ACVR2B: variants seen among roughly 807,000 people sequenced by gnomAD.
The protein encoded by ACVR2B is activin receptor type-2B.
In ACVR2B, 18 loss-of-function variants were observed where a neutral mutation model predicts 65.1. The observed-to-expected ratio is 0.28, with a 90% CI of 0.19 to 0.41. ACVR2B has a LOEUF of 0.41. ACVR2B is among the 10% of genes least tolerant of loss of function. The probability of loss-of-function intolerance (pLI) is 1.00; values close to 1 mark genes in which losing one functional copy is unlikely to be tolerated. For missense variants in ACVR2B, 482 were observed against 682.7 expected (o/e 0.71, Z 3.28); for synonymous variants, 298 against 277.7 (o/e 1.07, Z -0.73).
chr3:38,460,969 C>T (rs573602004), intron 1 of ACVR2B, among the ~76,000 whole-genome samples: 1 of 152,298 alleles, frequency 6.6e-6, no homozygotes, highest in African/African-American at 2.4e-5. Flanking sequence ...CTGAGCATTT[C>T]GGAGGATGGG....
At position 38,477,937 on chromosome 3, in the gene ACVR2B, T is replaced by C; in HGVS notation, c.337T>C (p.Phe113Leu). The change falls in exon 3 of 11, where the codon TTC becomes CTC. Residue 113 changes from phenylalanine to leucine, a missense_variant. Physicochemically the swap from Phe to Leu is conservative, Grantham distance 22. Transcript: ENST00000352511. The surrounding 1 kb of genome is among the most constrained non-coding windows in gnomAD (Gnocchi z 6.7). ...CCEGNFCNER[F>L]THLPEAGGPE... ...TGAAGGCAACTTCTGCAACGAACGC[T>C]TCACTCATTTGCCAGAGGCTGGGGG... 6.2e-7 allele frequency: 1 copy of C among 1,614,100 alleles called. No homozygotes were observed. The highest frequency in any genetic ancestry group is 8.5e-7 in the Non-Finnish European group (1 of 1,180,018).
At chr3:38,470,116 A>G (rs1352461297) in intron 1 of ACVR2B, among the ~76,000 whole-genome samples, 1 of 152,210 alleles carries the variant, frequency 6.6e-6, no homozygotes, top group Non-Finnish European at 1.5e-5. Flanking sequence ...GCAGAATAAG[A>G]AGGTCTAATA....
chr3:38,472,460 A>G (rs1322388870), intron 1 of ACVR2B, among the ~76,000 whole-genome samples: 1 of 152,098 alleles, frequency 6.6e-6, no homozygotes, highest in Admixed American at 6.5e-5. Flanking sequence ...CCTCTTGGGC[A>G]TGGAGGCTTC....
At chr3:38,467,622 G>A (rs78336491) in intron 1 of ACVR2B, among the ~76,000 whole-genome samples, 3,828 of 151,806 alleles carry the variant, frequency 0.025, 172 homozygotes, top group African/African-American at 0.086. Flanking sequence ...TGGTGGCATT[G>A]CACCTGTAAG....
chr3:38,478,575 A>C (rs1460392858), intron 5 of ACVR2B, 57 bp downstream of exon 5: 27 of 1,612,008 alleles, frequency 1.7e-5, no homozygotes, highest in Admixed American at 5.0e-5. Flanking sequence ...CTTGAACTGG[A>C]GGCTCTCCTG....
Position 38,477,835 on chromosome 3 carries a change from G to C in ACVR2B, c.261-26G>C, listed in dbSNP as rs768631662. 6.2e-7 allele frequency: 1 copy of C among 1,610,230 alleles called. No homozygotes were observed. The highest frequency in any genetic ancestry group is 1.3e-5 in the African/African-American group (1 of 74,770). On this transcript the variant is annotated intron_variant, in intron 2 of 10. Coordinates refer to ENST00000352511, the MANE Select transcript of ACVR2B (RefSeq NM_001106.4). This position sits in a 1 kb window ranked among gnomAD's most constrained non-coding sequence, Gnocchi z 6.7. The stretch of plus-strand genomic sequence containing the variant: ...GAGTCTTGCATCCCCCAGGTGAGGG[G>C]TATATGGAAAATTCTGTGCCTCCAG...
Position 38,479,789 on chromosome 3 carries a change from T to A in ACVR2B, c.922T>A (p.Cys308Ser), listed in dbSNP as rs1177847751. Residue 308 changes from cysteine (C) to serine (S), a missense_variant, in exon 7 of 11, where the codon TGC becomes AGC. Around this residue, in one of 5 missense-constraint regions of ACVR2B, gnomAD observed 223 missense variants for 386.3 expected, o/e 0.58. Coordinates refer to ENST00000352511, the MANE Select transcript of ACVR2B (RefSeq NM_001106.4). ...LSYLHEDVPW[C>S]RGEGHKPSIA... Reference sequence around the variant, plus strand: ...ATACCTGCATGAGGATGTGCCCTGGTGCCGTGGCGAGGGCCACAAGCCGTC... The same window carrying A: ...ATACCTGCATGAGGATGTGCCCTGGAGCCGTGGCGAGGGCCACAAGCCGTC... 4 of 1,614,228 alleles carry A rather than the reference T, an allele frequency of 2.5e-6. No individual in the cohort carries two copies. Among genetic ancestry groups the A allele is most frequent in the Non-Finnish European group, 3.4e-6 (4 of 1,180,034 alleles).
intron 1 of ACVR2B, chr3:38,459,614 G>A (rs368635161): frequency 4.1e-6 from 4 of 985,290 alleles, no homozygotes; most frequent in South Asian, 4.7e-5. Flanking sequence ...GTGGCGCTCC[G>A]GGGAGCCGCA....
rs1474175763 is a variant in ACVR2B, at chr3:38,484,070, A to G, written c.*738A>G. 6.5e-6 allele frequency: 1 copy of G among 152,712 alleles called. No homozygotes were observed. The highest frequency in any genetic ancestry group is 1.5e-5 in the Non-Finnish European group (1 of 68,130). 9.5% of individuals were successfully genotyped at this position (152,712 alleles called of 1,614,324 possible). On this transcript the variant is annotated 3_prime_UTR_variant, in exon 11 of 11. Coordinates refer to ENST00000352511, the MANE Select transcript of ACVR2B (RefSeq NM_001106.4). ...TATGGAGGCTACTTCTCAGGTAACC[A>G]GGAATTGAGGGGAAGGACCTTGTGG...
chr3:38,479,878 G>A lies in ACVR2B; in HGVS notation c.959+52G>A, dbSNP rs780099185. 11 of 1,600,038 alleles carry A rather than the reference G, an allele frequency of 6.9e-6. No individual in the cohort carries two copies. In the South Asian group the frequency reaches 1.2e-4, roughly 18 times the overall value. On this transcript the variant is annotated intron_variant, in intron 7 of 10. Transcript: ENST00000352511. ...TGCACTTGACCTGGAGCTGTGGGAA[G>A]GGTTGGTGGGCGAGAGCAGTGTCTG...
Position 38,477,520 on chromosome 3 carries a change from C to G in ACVR2B, c.260+26C>G. The G allele has an allele frequency of 6.2e-7, 1 of 1,608,790 alleles. No individual in the cohort carries two copies. Among genetic ancestry groups the G allele is most frequent in the Non-Finnish European group, 8.5e-7 (1 of 1,177,594 alleles). ...GTACCCCAAGACTTGCCCTCCTTTC[C>G]TCTTGGACCCACCTGCGCTTATACT... On this transcript the variant is annotated intron_variant, in intron 2 of 10. Transcript: ENST00000352511. This position sits in a 1 kb window ranked among gnomAD's most constrained non-coding sequence, Gnocchi z 6.7.
At chr3:38,478,645 G>C in intron 5 of ACVR2B, 127 bp downstream of exon 5, 1 of 1,327,168 alleles carries the variant, frequency 7.5e-7, no homozygotes, top group Non-Finnish European at 1.0e-6. Flanking sequence ...GAGCCTTACT[G>C]GGCCTAGTTA....
intron 3 of ACVR2B, 36 bp downstream of exon 3, chr3:38,478,006 G>C (rs769659817): frequency 6.2e-7 from 1 of 1,609,814 alleles, no homozygotes; most frequent in Non-Finnish European, 8.5e-7. Flanking sequence ...CCTTGAGTCA[G>C]CCGACCTGGG....
At chr3:38,465,434 TG>T (rs1236921278) in intron 1 of ACVR2B, among the ~76,000 whole-genome samples, 4 of 149,306 alleles carry the variant, frequency 2.7e-5, no homozygotes, top group East Asian at 3.9e-4. Context: ...GTGTTCACTG[TG>T]GTCAAGGAAA....
At chr3:38,469,330 A>G (rs1286923567) in intron 1 of ACVR2B, among the ~76,000 whole-genome samples, 1 of 152,174 alleles carries the variant, frequency 6.6e-6, no homozygotes, top group Admixed American at 6.5e-5. Context: ...GCCTGTCTTT[A>G]TAATTTAGAG....
At chr3:38,465,088 A>G (rs1001174842) in intron 1 of ACVR2B, among the ~76,000 whole-genome samples, 3 of 152,084 alleles carry the variant, frequency 2.0e-5, no homozygotes, top group Non-Finnish European at 2.9e-5. Flanking sequence ...TGGAGTTGCC[A>G]TATACATATT....
At position 38,477,884 on chromosome 3, in the gene ACVR2B, A is replaced by G. The variant is rs1191224674; in HGVS notation, c.284A>G (p.Glu95Gly). The change falls in exon 3 of 11, where the codon GAG becomes GGG. Residue 95 changes from glutamate to glycine, a missense_variant. Transcript: ENST00000352511. This position sits in a 1 kb window ranked among gnomAD's most constrained non-coding sequence, Gnocchi z 6.7. ...AGGCAGGAGTGTGTGGCCACTGAGG[A>G]GAACCCCCAGGTGTACTTCTGCTGC... is the stretch of plus-strand genomic sequence containing the variant. Reference protein sequence around the residue: ...YDRQECVATEENPQVYFCCCE... With the variant: ...YDRQECVATEGNPQVYFCCCE... The G allele has an allele frequency of 6.2e-7, 1 of 1,613,866 alleles. No individual in the cohort carries two copies. Among genetic ancestry groups the G allele is most frequent in the Non-Finnish European group, 8.5e-7 (1 of 1,179,978 alleles).
intron 1 of ACVR2B, among the ~76,000 whole-genome samples, chr3:38,456,450 GGATA>G (rs1385040753): frequency 6.6e-6 from 1 of 152,186 alleles, no homozygotes; most frequent in African/African-American, 2.4e-5. Flanking sequence ...TATGAACTAT[GGATA>G]GATATAAAAC....
intron 1 of ACVR2B, chr3:38,473,402 A>C (rs1161741209): frequency 1.3e-5 from 2 of 152,352 alleles, no homozygotes; most frequent in Non-Finnish European, 2.9e-5. Flanking sequence ...CCTCCTGTGC[A>C]TGGATGCCCT....
Sources: allele counts gnomAD v4.1 joint callset (sites outside exome capture counted in the v4.1 genomes callset), GRCh38; gene constraint gnomAD v4.1.1; regional missense constraint gnomAD v4.1.1; non-coding constraint Gnocchi (gnomAD v3.1); transcripts MANE v1.5; gene names NCBI Gene and HGNC (gene_info 2026-07-23, HGNC 2026-07-21).